Variants in HS3ST5 observed in about 807,000 individuals in gnomAD.
The protein encoded by HS3ST5 is heparan sulfate glucosamine 3-O-sulfotransferase 5.
In HS3ST5, 10 loss-of-function variants were observed where a neutral mutation model predicts 25.4. The ratio of observed to expected loss-of-function variants is 0.39; its 90% CI spans 0.24 to 0.67. The LOEUF (loss-of-function observed/expected upper bound fraction) is 0.67, where lower values mean the gene tolerates loss of function less well. Among genes scored for constraint, HS3ST5 ranks in the 30% least tolerant of loss-of-function variants. The pLI, the probability that HS3ST5 is intolerant of heterozygous loss-of-function variation, is 0.44. For missense variants in HS3ST5, 324 were observed against 420.7 expected (o/e 0.77, Z 2.01); for synonymous variants, 170 against 162.4 (o/e 1.05, Z -0.36).
intron 1 of HS3ST5, among the ~76,000 whole-genome samples, chr6:114,251,120 G>A (rs1772639737): frequency 1.3e-5 from 2 of 152,074 alleles, no homozygotes; most frequent in Admixed American, 6.5e-5. Flanking sequence ...ACAGAAATAG[G>A]GGTAAATTCT....
intron 1 of HS3ST5, among the ~76,000 whole-genome samples, chr6:114,333,643 A>AT (rs752440846): frequency 1.6e-3 from 247 of 152,038 alleles, no homozygotes; most frequent in Middle Eastern, 3.4e-3. Flanking sequence ...TAATATATAT[A>AT]TTTTTTTAAA....
At chr6:114,253,015 A>T (rs541848027) in intron 1 of HS3ST5, among the ~76,000 whole-genome samples, 1 of 152,204 alleles carries the variant, frequency 6.6e-6, no homozygotes, top group African/African-American at 2.4e-5. Flanking sequence ...ATGAGACCCC[A>T]TCTCCACAAA....
At chr6:114,141,175 A>C (rs1398254808) in intron 3 of HS3ST5, among the ~76,000 whole-genome samples, 1 of 152,216 alleles carries the variant, frequency 6.6e-6, no homozygotes, top group East Asian at 1.9e-4. Context: ...CAAATTCAGC[A>C]AATCTCCACT....
At chr6:114,098,535 A>G (rs1395800292) in intron 3 of HS3ST5, among the ~76,000 whole-genome samples, 1 of 148,326 alleles carries the variant, frequency 6.7e-6, no homozygotes, top group African/African-American at 2.4e-5. Flanking sequence ...ACTATCAAAT[A>G]TATATTTTAA....
At chr6:114,172,012 A>G (rs1258440248) in intron 2 of HS3ST5, among the ~76,000 whole-genome samples, 1 of 152,174 alleles carries the variant, frequency 6.6e-6, no homozygotes, top group Non-Finnish European at 1.5e-5. Context: ...ACAAACCTCT[A>G]TGGTTGGGGA....
chr6:114,074,739 T>G (rs905809786), intron 3 of HS3ST5, among the ~76,000 whole-genome samples: 1 of 152,174 alleles, frequency 6.6e-6, no homozygotes, highest in Non-Finnish European at 1.5e-5. Flanking sequence ...ATATTATTCT[T>G]AAGTAACATT....
chr6:114,079,490 C>T (rs1774330414), intron 3 of HS3ST5, among the ~76,000 whole-genome samples: 1 of 152,178 alleles, frequency 6.6e-6, no homozygotes, highest in South Asian at 2.1e-4. Context: ...GCAATTCAGT[C>T]ACATCTTCAG....
At chr6:114,205,839 T>C (rs1781255162) in intron 2 of HS3ST5, among the ~76,000 whole-genome samples, 1 of 152,158 alleles carries the variant, frequency 6.6e-6, no homozygotes. Flanking sequence ...ATAGTGTTCA[T>C]GCTTCTATAA....
chr6:114,306,873 A>G (rs952822426), intron 1 of HS3ST5, among the ~76,000 whole-genome samples: 2 of 152,228 alleles, frequency 1.3e-5, no homozygotes, highest in African/African-American at 4.8e-5. Flanking sequence ...TTCCTTCTTA[A>G]GAAATACATA....
chr6:114,218,731 C>G (rs995563258), intron 2 of HS3ST5, among the ~76,000 whole-genome samples: 21 of 152,158 alleles, frequency 1.4e-4, no homozygotes, highest in Non-Finnish European at 7.4e-5. Context: ...TGTTCAGAAT[C>G]AAACACGTAA....
At chr6:114,277,863 AT>A (rs1773930693) in intron 1 of HS3ST5, among the ~76,000 whole-genome samples, 2 of 152,006 alleles carry the variant, frequency 1.3e-5, no homozygotes, top group Admixed American at 1.3e-4. Flanking sequence ...TGTCGAGGTT[AT>A]AGTTGTAATT....
intron 1 of HS3ST5, among the ~76,000 whole-genome samples, chr6:114,249,929 T>A (rs1270574303): frequency 6.6e-6 from 1 of 152,218 alleles, no homozygotes; most frequent in Non-Finnish European, 1.5e-5. Flanking sequence ...ATAACTAATG[T>A]AAAAATAAAT....
chr6:114,293,002 T>C (rs1287252940), intron 1 of HS3ST5, among the ~76,000 whole-genome samples: 1 of 152,090 alleles, frequency 6.6e-6, no homozygotes, highest in Non-Finnish European at 1.5e-5. Flanking sequence ...AATCCATGGA[T>C]ACAGAGGGCT....
chr6:114,089,270 A>G (rs915684937), intron 3 of HS3ST5, among the ~76,000 whole-genome samples: 10 of 152,208 alleles, frequency 6.6e-5, no homozygotes, highest in Non-Finnish European at 1.3e-4. Context: ...TTTTCTGGCA[A>G]TGGCATCTAG....
At chr6:114,229,162 A>G (rs1024933689) in intron 1 of HS3ST5, among the ~76,000 whole-genome samples, 1 of 152,220 alleles carries the variant, frequency 6.6e-6, no homozygotes, top group Non-Finnish European at 1.5e-5. Flanking sequence ...AAAATGGGAT[A>G]CTTTAAATCC....
At chr6:114,157,692 A>C (rs1582662944) in intron 3 of HS3ST5, among the ~76,000 whole-genome samples, 1 of 152,180 alleles carries the variant, frequency 6.6e-6, no homozygotes, top group Non-Finnish European at 1.5e-5. Context: ...CAAATATATA[A>C]AATTTTTATT....
At chr6:114,081,729 T>A (rs1774461732) in intron 3 of HS3ST5, among the ~76,000 whole-genome samples, 1 of 152,236 alleles carries the variant, frequency 6.6e-6, no homozygotes, top group African/African-American at 2.4e-5. Context: ...AATTTCATTA[T>A]AGACTGATTC....
chr6:114,209,037 A>G (rs1036395818), intron 2 of HS3ST5, among the ~76,000 whole-genome samples: 2 of 152,206 alleles, frequency 1.3e-5, no homozygotes, highest in African/African-American at 4.8e-5. Context: ...AATTGCTGGC[A>G]TGTAAAGAAC....
At chr6:114,083,849 C>T (rs1774607188) in intron 3 of HS3ST5, among the ~76,000 whole-genome samples, 2 of 152,104 alleles carry the variant, frequency 1.3e-5, no homozygotes, top group Admixed American at 1.3e-4. Context: ...TTACACTAGC[C>T]TCTGTAATAA....
Sources: allele counts gnomAD v4.1 joint callset (sites outside exome capture counted in the v4.1 genomes callset), GRCh38; gene constraint gnomAD v4.1.1; transcripts MANE v1.5; gene names NCBI Gene and HGNC (gene_info 2026-07-23, HGNC 2026-07-21).